The following FLRT2 variants were observed in gnomAD, a reference collection of about 807,000 sequenced individuals.
The protein encoded by FLRT2 is fibronectin leucine rich transmembrane protein 2.
Under a neutral mutation model 40.0 loss-of-function variants are expected in FLRT2, and 15 were observed. That is an observed-to-expected ratio of 0.38 (90% CI 0.25 to 0.58). The LOEUF (loss-of-function observed/expected upper bound fraction) is 0.58. FLRT2 is among the 20% of genes least tolerant of loss of function. The probability of loss-of-function intolerance (pLI) is 0.71; values close to 1 mark genes in which losing one functional copy is unlikely to be tolerated. For synonymous variants in FLRT2, 380 were observed against 336.8 expected, an observed-to-expected ratio of 1.13 and a Z score of -1.41; for missense variants, 726 against 840.0, an observed-to-expected ratio of 0.86 and a Z score of 1.68.
At chr14:85,613,677 G>A (rs959630515) in intron 1 of FLRT2, among the ~76,000 whole-genome samples, 5 of 152,100 alleles carry the variant, frequency 3.3e-5, no homozygotes, top group South Asian at 2.1e-4. Context: ...TGCCTGCCAC[G>A]TATGGCTGTA....
At position 85,652,849 on chromosome 14, in the gene FLRT2, A is replaced by G. The variant is rs570388623; in HGVS notation, c.*29352A>G. The G allele has an allele frequency of 8.4e-4, 128 of 152,320 alleles. No homozygotes were observed. Among genetic ancestry groups the G allele is most frequent in the African/African-American group, 3.0e-3 (125 of 41,578 alleles). The allele number at this position is 152,320 out of a possible 1,614,324, so 9.4% of individuals were successfully genotyped here. On this transcript the variant is annotated 3_prime_UTR_variant, in exon 2 of 2. Transcript: ENST00000330753. ...CAAATCTTCCCCTCTAGGAGATTAA[A>G]GTATTTTTTGCTCATTAATCAATGT...
chr14:85,645,416 G>A lies in FLRT2; in HGVS notation c.*21919G>A, dbSNP rs17094470. 1 of 151,720 alleles carries A rather than the reference G, an allele frequency of 6.6e-6. No homozygotes were observed. Among genetic ancestry groups the A allele is most frequent in the Non-Finnish European group, 1.5e-5 (1 of 67,956 alleles). 9.4% of individuals were successfully genotyped at this position (151,720 alleles called of 1,614,324 possible). On this transcript the variant is annotated 3_prime_UTR_variant, in exon 2 of 2. Transcript: ENST00000330753. Reference sequence around the variant, plus strand: ...CACATAAATTCATCCTACTTAATTGGCACTTTTTCTTCAACCCATACCTGC... The same window carrying A: ...CACATAAATTCATCCTACTTAATTGACACTTTTTCTTCAACCCATACCTGC...
At position 85,643,346 on chromosome 14, in the gene FLRT2, TCTTTCTTTCTTC is replaced by T. The variant is rs1166234275; in HGVS notation, c.*19853_*19864del. On this transcript the variant is annotated 3_prime_UTR_variant, in exon 2 of 2. Coordinates refer to ENST00000330753, the MANE Select transcript of FLRT2 (RefSeq NM_013231.6). ...TTCTTTCTTTCTTTCTTTCTTTCTT[TCTTTCTTTCTTC>T]CTTCCTTCCTTCCTTCCTTTCTTTC... The T allele has an allele frequency of 3.8e-3, 221 of 58,372 alleles. 1 individual carries two copies. The highest frequency in any genetic ancestry group is 0.012 in the African/African-American group (205 of 16,746). 3.6% of individuals were successfully genotyped at this position (58,372 alleles called of 1,614,324 possible).
At position 85,560,281 on chromosome 14, in the gene FLRT2, T is replaced by C. The variant is rs1438932484; in HGVS notation, c.-377+29747T>C. Reference sequence around the variant, plus strand: ...GCCAGAAGGAGAAATGTATTAGAATTAGAAATGACATCACAGGCCGGGCGC... The same window carrying C: ...GCCAGAAGGAGAAATGTATTAGAATCAGAAATGACATCACAGGCCGGGCGC... On this transcript the variant is annotated intron_variant, in intron 1 of 1. Transcript: ENST00000330753. Among the ~76,000 whole-genome samples, 3 of 152,020 alleles carry C rather than the reference T, an allele frequency of 2.0e-5. No homozygotes were observed. In the East Asian group the frequency reaches 5.8e-4, roughly 29 times the overall value.
chr14:85,545,024 G>A (rs558427833), intron 1 of FLRT2, among the ~76,000 whole-genome samples: 1 of 152,184 alleles, frequency 6.6e-6, no homozygotes, highest in Admixed American at 6.5e-5. Context: ...TGGGAAACTC[G>A]TGAAAAAACA....
intron 1 of FLRT2, among the ~76,000 whole-genome samples, chr14:85,557,699 C>G (rs1213283021): frequency 6.6e-6 from 1 of 152,084 alleles, no homozygotes; most frequent in African/African-American, 2.4e-5. Context: ...TGCCTGTAAT[C>G]CCAGCTACTT....
rs1345464148 is a variant in FLRT2, at chr14:85,647,817, G to A, written c.*24320G>A. The A allele has an allele frequency of 6.6e-6, 1 of 152,112 alleles. No homozygotes were observed. Among genetic ancestry groups the A allele is most frequent in the East Asian group, 1.9e-4 (1 of 5,178 alleles). 9.4% of individuals were successfully genotyped at this position (152,112 alleles called of 1,614,324 possible). ...AAACCCCTCAGGAATTAGGATTCGGGTCACCCTGCTTGGCAGAGCCCTAAT... is the reference window on the plus strand; with the variant it reads ...AAACCCCTCAGGAATTAGGATTCGGATCACCCTGCTTGGCAGAGCCCTAAT... On this transcript the variant is annotated 3_prime_UTR_variant, in exon 2 of 2. Coordinates refer to ENST00000330753, the MANE Select transcript of FLRT2 (RefSeq NM_013231.6).
chr14:85,620,563 A>G (rs1893336738), intron 1 of FLRT2, among the ~76,000 whole-genome samples: 1 of 152,222 alleles, frequency 6.6e-6, no homozygotes, highest in South Asian at 2.1e-4. Flanking sequence ...ATAACATAGT[A>G]TATGAAAGTT....
intron 1 of FLRT2, chr14:85,562,620 C>CTTTCTTTTTTTTT: frequency 8.7e-6 from 1 of 115,522 alleles, no homozygotes; most frequent in Non-Finnish European, 1.7e-5. Context: ...TTCTTTCTTT[C>CTTTCTTTTTTTTT]TTTTTTTTTT....
chr14:85,615,125 A>G (rs1462441533), intron 1 of FLRT2, among the ~76,000 whole-genome samples: 1 of 152,180 alleles, frequency 6.6e-6, no homozygotes, highest in Non-Finnish European at 1.5e-5. Context: ...TGCAGGCAGT[A>G]GTTGACGTGG....
Position 85,641,284 on chromosome 14 carries a change from G to A in FLRT2, c.*17787G>A, listed in dbSNP as rs1473012244. 1 of 152,160 alleles carries A rather than the reference G, an allele frequency of 6.6e-6. No homozygotes were observed. The highest frequency in any genetic ancestry group is 2.4e-5 in the African/African-American group (1 of 41,430). The allele number at this position is 152,160 out of a possible 1,614,324, so 9.4% of individuals were successfully genotyped here. A position where few individuals can be genotyped will look rare whatever the true frequency, so the allele number is the denominator to read the frequency against. On this transcript the variant is annotated 3_prime_UTR_variant, in exon 2 of 2. Coordinates refer to ENST00000330753, the MANE Select transcript of FLRT2 (RefSeq NM_013231.6). ...TTCCTTCTATATGCCTTCCTTTCTG[G>A]ATAGAATCGATCACATTTGCTGGAC...
At chr14:85,570,925 A>C (rs931739287) in intron 1 of FLRT2, among the ~76,000 whole-genome samples, 2 of 152,010 alleles carry the variant, frequency 1.3e-5, no homozygotes, top group African/African-American at 4.8e-5. Context: ...CTGGTGGCTT[A>C]ATGTATTCCA....
At chr14:85,600,584 T>G (rs144977577) in intron 1 of FLRT2, among the ~76,000 whole-genome samples, 22 of 152,294 alleles carry the variant, frequency 1.4e-4, no homozygotes, top group African/African-American at 5.1e-4. Context: ...ATCTAATCCT[T>G]GCAGAGAAGT....
intron 1 of FLRT2, among the ~76,000 whole-genome samples, chr14:85,613,013 TA>T (rs1892960289): frequency 6.6e-6 from 1 of 152,226 alleles, no homozygotes; most frequent in Non-Finnish European, 1.5e-5. Flanking sequence ...GGATTGAGTT[TA>T]TTTTTTTCAT....
At position 85,639,896 on chromosome 14, in the gene FLRT2, C is replaced by T. The variant is rs1419494926; in HGVS notation, c.*16399C>T. On this transcript the variant is annotated 3_prime_UTR_variant, in exon 2 of 2. Coordinates refer to ENST00000330753, the MANE Select transcript of FLRT2 (RefSeq NM_013231.6). Reference sequence around the variant, plus strand: ...CAGTGTCTCGCTCTGTCCCCCAGGCCAGAGTGCAGCGGCGTGATCTCGACT... The same window carrying T: ...CAGTGTCTCGCTCTGTCCCCCAGGCTAGAGTGCAGCGGCGTGATCTCGACT... The T allele has an allele frequency of 1.4e-5, 2 of 142,660 alleles. No individual in the cohort carries two copies. The highest frequency in any genetic ancestry group is 1.5e-4 in the Admixed American group (2 of 13,362). 8.8% of individuals were successfully genotyped at this position (142,660 alleles called of 1,614,324 possible).
Position 85,633,645 on chromosome 14 carries a change from A to T in FLRT2, c.*10148A>T, listed in dbSNP as rs987794434. The T allele has an allele frequency of 6.6e-6, 1 of 151,588 alleles. No individual in the cohort carries two copies. The highest frequency in any genetic ancestry group is 1.5e-5 in the Non-Finnish European group (1 of 67,904). 9.4% of individuals were successfully genotyped at this position (151,588 alleles called of 1,614,324 possible). On this transcript the variant is annotated 3_prime_UTR_variant, in exon 2 of 2. Coordinates refer to ENST00000330753, the MANE Select transcript of FLRT2 (RefSeq NM_013231.6). ...GAGACCCTATCTCTAAAAAAAAAAA[A>T]AAAAATTAGCCAGGAGTGGTGGCAT... is the stretch of plus-strand genomic sequence containing the variant.
chr14:85,556,504 A>G (rs906548838), intron 1 of FLRT2, among the ~76,000 whole-genome samples: 2 of 152,196 alleles, frequency 1.3e-5, no homozygotes, highest in African/African-American at 4.8e-5. Flanking sequence ...TGTTGTGTAT[A>G]TGCTACTCTG....
rs998936423 is a variant in FLRT2, at chr14:85,643,591, C to G, written c.*20094C>G. 19 of 152,008 alleles carry G rather than the reference C, an allele frequency of 1.2e-4. No individual in the cohort carries two copies. 9.4% of individuals were successfully genotyped at this position (152,008 alleles called of 1,614,324 possible). Reference sequence around the variant, plus strand: ...TGTTTTTAGTAGAGACGGGGTTTCACCATATTAGCCAGGCTGCTCTCAAAC... The same window carrying G: ...TGTTTTTAGTAGAGACGGGGTTTCAGCATATTAGCCAGGCTGCTCTCAAAC... On this transcript the variant is annotated 3_prime_UTR_variant, in exon 2 of 2. Coordinates refer to ENST00000330753, the MANE Select transcript of FLRT2 (RefSeq NM_013231.6).
intron 1 of FLRT2, among the ~76,000 whole-genome samples, chr14:85,564,837 G>C (rs1008758474): frequency 6.6e-6 from 1 of 152,264 alleles, no homozygotes; most frequent in East Asian, 1.9e-4. Context: ...GATCTCAAAG[G>C]GGTTTTTGGT....
Sources: gnomAD v4.1 joint callset for allele counts (sites outside exome capture counted in the v4.1 genomes callset) on GRCh38, gnomAD v4.1.1 for gene constraint, MANE v1.5 for transcripts, NCBI Gene and HGNC (gene_info 2026-07-23, HGNC 2026-07-21) for gene names.